The following NEDD9 variants were observed in gnomAD, a reference collection of about 807,000 sequenced individuals.
The protein encoded by NEDD9 is neural precursor cell expressed, developmentally down-regulated 9, also known as enhancer of filamentation 1.
In NEDD9, 26 loss-of-function variants were observed where a neutral mutation model predicts 76.6. The observed-to-expected ratio is 0.34, with a 90% CI of 0.25 to 0.47. The LOEUF is 0.47. NEDD9 is among the 20% of genes least tolerant of loss of function. The pLI is 1.00. For synonymous variants in NEDD9, 392 were observed against 414.2 expected, an observed-to-expected ratio of 0.95 and a Z score of 0.65; for missense variants, 937 against 1,058.5, an observed-to-expected ratio of 0.89 and a Z score of 1.59.
intron 2 of NEDD9, among the ~76,000 whole-genome samples, chr6:11,319,762 TAACATG>T (rs1761739284): frequency 7.3e-6 from 1 of 136,066 alleles, no homozygotes; most frequent in Non-Finnish European, 1.6e-5. Flanking sequence ...ACATGCACAC[TAACATG>T]CACACTCACG....
At chr6:11,204,741 AG>A (rs1287705026) in intron 2 of NEDD9, among the ~76,000 whole-genome samples, 25 of 149,440 alleles carry the variant, frequency 1.7e-4, no homozygotes, top group East Asian at 5.9e-4. Context: ...AAAAAAAGAA[AG>A]AAAGAAAGAA....
intron 3 of NEDD9, among the ~76,000 whole-genome samples, chr6:11,289,157 A>G (rs1002782207): frequency 6.6e-6 from 1 of 152,252 alleles, no homozygotes; most frequent in African/African-American, 2.4e-5. Context: ...CTGACTCACA[A>G]GAACAAACAT....
intron 3 of NEDD9, among the ~76,000 whole-genome samples, chr6:11,280,665 T>C (rs905232854): frequency 3.9e-5 from 6 of 152,254 alleles, no homozygotes; most frequent in African/African-American, 1.4e-4. Flanking sequence ...CTCCCATCCG[T>C]ACAAGGCCAC....
chr6:11,228,465 G>A (rs1759373261), intron 1 of NEDD9, among the ~76,000 whole-genome samples: 1 of 152,202 alleles, frequency 6.6e-6, no homozygotes, highest in Non-Finnish European at 1.5e-5. Context: ...AGGAGGCAGA[G>A]GTCGCAGTGA....
chr6:11,331,428 T>C (rs1424580327), intron 2 of NEDD9, among the ~76,000 whole-genome samples: 1 of 151,652 alleles, frequency 6.6e-6, no homozygotes, highest in Admixed American at 6.6e-5. Context: ...AACAGTAAAA[T>C]AGTAAAAGGA....
At chr6:11,186,096 C>T (rs1757975216) in intron 6 of NEDD9, among the ~76,000 whole-genome samples, 2 of 152,108 alleles carry the variant, frequency 1.3e-5, no homozygotes, top group Non-Finnish European at 2.9e-5. Context: ...TCAAGTAAGT[C>T]ACTGACAGTT....
chr6:11,206,375 C>T (rs562246953), intron 2 of NEDD9, among the ~76,000 whole-genome samples: 2 of 152,152 alleles, frequency 1.3e-5, no homozygotes, highest in East Asian at 1.9e-4. Flanking sequence ...GCCAAGATTG[C>T]GCCATTGCAT....
At chr6:11,189,847 A>T (rs1265567471) in intron 5 of NEDD9, 117 bp downstream of exon 5, 1 of 1,292,126 alleles carries the variant, frequency 7.7e-7, no homozygotes, top group Non-Finnish European at 1.0e-6. Context: ...AACCATGTAG[A>T]TTAACATTAA....
At chr6:11,244,471 T>A (rs1254459763) in intron 3 of NEDD9, among the ~76,000 whole-genome samples, 1 of 152,096 alleles carries the variant, frequency 6.6e-6, no homozygotes, top group African/African-American at 2.4e-5. Context: ...ACTTCCCACA[T>A]CCAATCAGCT....
In NEDD9 at chr6:11,193,613, G is replaced by A. The variant is rs1758217378; in HGVS notation, c.539C>T (p.Pro180Leu). Residue 180 changes from proline to leucine, a missense_variant, in exon 3 of 7, where the codon CCT becomes CTT. Physicochemically the swap from Pro to Leu is moderately conservative, Grantham distance 98. Transcript: ENST00000379446. The part of the protein sequence containing the change: ...SRYQKDVYDI[P>L]PSHTTQGVYD... ...CACCCCTTGAGTGGTATGAGAAGGA[G>A]GGATATCATAGACGTCCTTTTGGTA... 3 of 1,613,286 alleles carry A rather than the reference G, an allele frequency of 1.9e-6. No homozygotes were observed. In the African/African-American group the frequency reaches 4.0e-5, roughly 22 times the overall value.
At chr6:11,291,400 C>A (rs1324933999) in intron 3 of NEDD9, among the ~76,000 whole-genome samples, 1 of 151,536 alleles carries the variant, frequency 6.6e-6, no homozygotes, top group African/African-American at 2.4e-5. Flanking sequence ...TCAGCCTCCC[C>A]AGTAGCTGGG....
chr6:11,298,985 G>A (rs188707796), intron 3 of NEDD9, among the ~76,000 whole-genome samples: 10 of 152,288 alleles, frequency 6.6e-5, no homozygotes, highest in Admixed American at 2.6e-4. Flanking sequence ...CACTGGGACC[G>A]GTTGGACAGT....
chr6:11,276,939 C>G, intron 3 of NEDD9, among the ~76,000 whole-genome samples: 1 of 142,572 alleles, frequency 7.0e-6, no homozygotes. Flanking sequence ...GTTACAGGAT[C>G]TGGAAACAAA....
intron 3 of NEDD9, among the ~76,000 whole-genome samples, chr6:11,270,469 A>G (rs953169798): frequency 1.3e-5 from 2 of 151,232 alleles, no homozygotes; most frequent in African/African-American, 4.9e-5. Context: ...TAATAGCAAC[A>G]CTTATCTACC....
At chr6:11,332,213 G>A (rs1306075408) in intron 2 of NEDD9, among the ~76,000 whole-genome samples, 1 of 152,164 alleles carries the variant, frequency 6.6e-6, no homozygotes, top group East Asian at 1.9e-4. Context: ...AGAGTTGTAG[G>A]CCCTGCATTA....
At chr6:11,340,643 C>A (rs1488833930) in intron 1 of NEDD9, among the ~76,000 whole-genome samples, 1 of 152,138 alleles carries the variant, frequency 6.6e-6, no homozygotes, top group Non-Finnish European at 1.5e-5. Context: ...TCCTCGTGAG[C>A]CCCAAACTCT....
At chr6:11,372,004 G>GAGCAAGTCTTGGAAGAATGC (rs1762885677) in intron 1 of NEDD9, among the ~76,000 whole-genome samples, 1 of 152,094 alleles carries the variant, frequency 6.6e-6, no homozygotes, top group Non-Finnish European at 1.5e-5. Flanking sequence ...CAATATTTTA[G>GAGCAAGTCTTGGAAGAATGC]TTATTTTTTA....
At chr6:11,270,739 G>A (rs1317375191) in intron 3 of NEDD9, among the ~76,000 whole-genome samples, 1 of 152,190 alleles carries the variant, frequency 6.6e-6, no homozygotes, top group Non-Finnish European at 1.5e-5. Context: ...TTCTTTCCAT[G>A]CAGATACCCT....
At chr6:11,304,975 A>T in intron 3 of NEDD9, 1 of 770,754 alleles carries the variant, frequency 1.3e-6, no homozygotes, top group Non-Finnish European at 1.8e-6. Flanking sequence ...CCACAGTGAT[A>T]TGACAATCAA....
Sources: gnomAD v4.1 joint callset for allele counts (sites outside exome capture counted in the v4.1 genomes callset) on GRCh38, gnomAD v4.1.1 for gene constraint, MANE v1.5 for transcripts, NCBI Gene and HGNC (gene_info 2026-07-23, HGNC 2026-07-21) for gene names.